ZDHHC11: variants seen among roughly 807,000 people sequenced by gnomAD.
ZDHHC11 encodes palmitoyltransferase ZDHHC11.
Under a neutral mutation model 51.3 loss-of-function variants are expected in ZDHHC11, and 44 were observed. The observed-to-expected ratio is 0.86, with a 90% CI of 0.67 to 1.10. The LOEUF (loss-of-function observed/expected upper bound fraction) is 1.10, where lower values mean the gene tolerates loss of function less well. Ranked by LOEUF, ZDHHC11 falls within the 50% of genes least tolerant of loss-of-function variation. The pLI is 0.00. For synonymous variants in ZDHHC11, 163 were observed against 222.0 expected (o/e 0.73, Z 2.36); for missense variants, 400 against 537.7 (o/e 0.74, Z 2.53).
chr5:831,409 C>G (rs1267519240), intron 7 of ZDHHC11, among the ~76,000 whole-genome samples: 1 of 149,302 alleles, frequency 6.7e-6, no homozygotes, highest in Non-Finnish European at 1.5e-5. Context: ...CATGGTGAAA[C>G]TTGTCTCTAC....
chr5:795,920 C>G lies in ZDHHC11; in HGVS notation c.*668G>C, dbSNP rs1455964946. ...CTCCCATTTCCCAGTACTGTGCTCC[C>G]ATTTCCCAGTACTGTGTGCTCCCAT... On this transcript the variant is annotated 3_prime_UTR_variant, in exon 13 of 13. Transcript: ENST00000283441. The G allele has an allele frequency of 1.0e-4, 11 of 108,552 alleles. No individual in the cohort carries two copies. Among genetic ancestry groups the G allele is most frequent in the African/African-American group, 2.6e-4 (10 of 38,944 alleles). The allele number at this position is 108,552 out of a possible 1,614,324, so 6.7% of individuals were successfully genotyped here.
chr5:834,884 GA>G (rs2150371002), intron 6 of ZDHHC11, among the ~76,000 whole-genome samples: 1 of 152,074 alleles, frequency 6.6e-6, no homozygotes, highest in East Asian at 1.9e-4. Context: ...TGGGAAACCA[GA>G]AATTCATGTG....
intron 10 of ZDHHC11, among the ~76,000 whole-genome samples, chr5:817,261 C>G (rs1164516643): frequency 6.6e-6 from 1 of 151,564 alleles, no homozygotes; most frequent in Non-Finnish European, 1.5e-5. Context: ...GCTGTACAGA[C>G]TTTTCCCTTT....
At chr5:797,769 T>C (rs149379664) in intron 12 of ZDHHC11, among the ~76,000 whole-genome samples, 9 of 151,594 alleles carry the variant, frequency 5.9e-5, no homozygotes, top group Admixed American at 5.3e-4. Context: ...TTCTGCTGCT[T>C]CTCACTCAGT....
At chr5:859,244 C>G (rs745407620), upstream of ZDHHC11, among the ~76,000 whole-genome samples, 1 of 152,144 alleles carries the variant, frequency 6.6e-6, no homozygotes, top group Non-Finnish European at 1.5e-5. Context: ...CGGCCTCCCC[C>G]TCCCTGCCTT....
chr5:828,479 C>T (rs182055884), intron 7 of ZDHHC11, among the ~76,000 whole-genome samples: 33 of 151,350 alleles, frequency 2.2e-4, no homozygotes, highest in East Asian at 1.9e-3. Flanking sequence ...CCCTCCCGGA[C>T]GGGGGACCTG....
chr5:853,737 G>C (rs1747680246), upstream of ZDHHC11, among the ~76,000 whole-genome samples: 1 of 151,092 alleles, frequency 6.6e-6, no homozygotes, highest in Non-Finnish European at 1.5e-5. Context: ...AGTGAGCTGG[G>C]GAGACAGATC....
At chr5:801,979 C>T (rs551544305) in intron 11 of ZDHHC11, among the ~76,000 whole-genome samples, 4 of 151,488 alleles carry the variant, frequency 2.6e-5, no homozygotes, top group South Asian at 4.2e-4. Flanking sequence ...AGAGGGAAAC[C>T]TTTCTTGGAT....
intron 4 of ZDHHC11, chr5:841,587 C>G (rs1744976641): frequency 1.0e-6 from 1 of 999,876 alleles, no homozygotes; most frequent in African/African-American, 1.7e-5. Flanking sequence ...CAGGCCCCAG[C>G]ACCCATCCCT....
rs1466603953 is a variant in ZDHHC11 at position 837,583 on chromosome 5, C to A, written c.785-103G>T. The A allele has an allele frequency of 1.9e-5, 24 of 1,293,218 alleles. No individual in the cohort carries two copies. The Admixed American group carries it at 4.1e-4, about 22-fold the overall frequency. The allele number at this position is 1,293,218 out of a possible 1,614,324, so 80.1% of individuals were successfully genotyped here. A position where few individuals can be genotyped will look rare whatever the true frequency, so the allele number is the denominator to read the frequency against. On this transcript the variant is annotated intron_variant, in intron 5 of 12. Coordinates refer to ENST00000283441, the MANE Select transcript of ZDHHC11 (RefSeq NM_024786.3). ...AGTGGCCAGTGCCACTGATCCGGCC[C>A]CTGCACAGGGAGAACTGCTCCGCCC...
rs1743490847 is a variant in ZDHHC11 at position 834,329 on chromosome 5, T to C, written c.901-522A>G. Among the ~76,000 whole-genome samples the C allele has an allele frequency of 5.9e-5, 9 of 152,414 alleles. No individual in the cohort carries two copies. In the South Asian group the frequency reaches 1.9e-3, roughly 32 times the overall value. On this transcript the variant is annotated intron_variant, in intron 6 of 12. Transcript: ENST00000283441. ...TTGGTAAGGAGTTTGTTCAAATCTT[T>C]TGCCCATTTTTTATATGTATGTATG...
intron 11 of ZDHHC11, among the ~76,000 whole-genome samples, chr5:806,892 T>C (rs1316736567): frequency 6.6e-6 from 1 of 151,186 alleles, no homozygotes; most frequent in Non-Finnish European, 1.5e-5. Context: ...TCTTATACCC[T>C]GCTGTGAGAG....
At chr5:844,135 G>A (rs1188448015) in intron 3 of ZDHHC11, among the ~76,000 whole-genome samples, 3 of 152,122 alleles carry the variant, frequency 2.0e-5, no homozygotes, top group Non-Finnish European at 4.4e-5. Context: ...GCCCAACGCT[G>A]GCCTCAAACC....
At chr5:860,308 G>A (rs10064734), upstream of ZDHHC11, among the ~76,000 whole-genome samples, 16,656 of 152,220 alleles carry the variant, frequency 0.11, 1,156 homozygotes, top group Admixed American at 0.2. This position sits in a 1 kb window ranked among gnomAD's most constrained non-coding sequence, Gnocchi z 4.2. Flanking sequence ...CAGGACAAAC[G>A]CCCCGTCTTG....
intron 11 of ZDHHC11, among the ~76,000 whole-genome samples, chr5:805,451 A>T (rs1218307521): frequency 4.6e-5 from 7 of 151,090 alleles, no homozygotes; most frequent in Non-Finnish European, 1.5e-5. Context: ...CTACATTGGT[A>T]TTCAAACTAG....
intron 7 of ZDHHC11, among the ~76,000 whole-genome samples, chr5:827,863 T>C (rs143798030): frequency 0.025 from 3,777 of 151,024 alleles, 269 homozygotes; most frequent in African/African-American, 0.084. Context: ...GGTCTCTGGC[T>C]TTCCTAGGCA....
chr5:828,231 C>T (rs982581731), intron 7 of ZDHHC11, among the ~76,000 whole-genome samples: 8 of 151,458 alleles, frequency 5.3e-5, no homozygotes, highest in Non-Finnish European at 1.0e-4. Context: ...CATCATGGCC[C>T]GTTCTCAGTG....
intron 11 of ZDHHC11, among the ~76,000 whole-genome samples, chr5:808,994 CA>C: frequency 7.0e-6 from 1 of 143,574 alleles, no homozygotes; most frequent in Non-Finnish European, 1.5e-5. Flanking sequence ...TACACACACA[CA>C]CACACACACA....
chr5:824,303 A>AAAAATAT (rs1177214343), intron 8 of ZDHHC11, among the ~76,000 whole-genome samples: 2 of 151,274 alleles, frequency 1.3e-5, no homozygotes, highest in African/African-American at 4.9e-5. Flanking sequence ...TTAAGAAATA[A>AAAAATAT]AAAATAAATT....
Sources: gnomAD v4.1 joint callset for allele counts (sites outside exome capture counted in the v4.1 genomes callset) on GRCh38, gnomAD v4.1.1 for gene constraint, Gnocchi (gnomAD v3.1) non-coding constraint, MANE v1.5 for transcripts, NCBI Gene and HGNC (gene_info 2026-07-23, HGNC 2026-07-21) for gene names.